The following ANK2 variants were observed in gnomAD, a reference collection of about 807,000 sequenced individuals.
ANK2 encodes the protein ankyrin-2.
Under a neutral mutation model 360.5 loss-of-function variants are expected in ANK2, and 83 were observed. The observed-to-expected ratio is 0.23, with a 90% confidence interval of 0.19 to 0.28. ANK2 has a LOEUF of 0.28. ANK2 is among the 10% of genes least tolerant of loss of function. The pLI is 1.00. For missense variants in ANK2, 4,201 were observed against 4,795.7 expected, an observed-to-expected ratio of 0.88 and a Z score of 3.66; for synonymous variants, 1,740 against 1,759.5, an observed-to-expected ratio of 0.99 and a Z score of 0.28.
intron 27 of ANK2, among the ~76,000 whole-genome samples, chr4:113,331,724 GC>G (rs2092486557): frequency 6.6e-6 from 1 of 151,936 alleles, no homozygotes; most frequent in African/African-American, 2.4e-5. Flanking sequence ...TTTGGCTAGT[GC>G]CCTGGCGGTG....
At chr4:112,748,718 C>A in the ANK2 span, among the ~76,000 whole-genome samples, 3 of 152,214 alleles carry the variant, frequency 2.0e-5, no homozygotes, top group South Asian at 4.1e-4. Context: ...ATTTTATGGT[C>A]CCCTGAGGCA....
intron 4 of ANK2, among the ~76,000 whole-genome samples, chr4:113,199,332 T>G (rs561564692): frequency 1.1e-4 from 17 of 152,288 alleles, no homozygotes; most frequent in African/African-American, 3.6e-4. Context: ...TGTAAGTCTA[T>G]CATTGTCTCT....
rs1060504155 is a variant in ANK2, at chr4:113,049,791, G to A, written c.63G>A (p.Gln21=). The A allele has an allele frequency of 1.9e-6, 3 of 1,613,860 alleles. No individual in the cohort carries two copies. The highest frequency in any genetic ancestry group is 2.5e-6 in the Non-Finnish European group (3 of 1,179,850). Residue 21 remains glutamine, a synonymous_variant, in exon 1 of 46, where the codon CAG becomes CAA. Coordinates refer to ENST00000357077, the MANE Select transcript of ANK2 (RefSeq NM_001148.6). ...DSGEKFNGSS[Q]RRKRPKKSDS... ...GAGAGAAGTTCAACGGCAGTAGTCA[G>A]AGGAGAAAAAGACCCAAGAAGGTAA...
At chr4:112,835,947 A>T (rs1179354285) in intron 1 of ANK2, among the ~76,000 whole-genome samples, 1 of 152,144 alleles carries the variant, frequency 6.6e-6, no homozygotes, top group East Asian at 1.9e-4. Flanking sequence ...GTAATAAATA[A>T]ATAGACCTTA....
chr4:112,829,585 C>A (rs1161564274), intron 1 of ANK2, among the ~76,000 whole-genome samples: 1 of 150,134 alleles, frequency 6.7e-6, no homozygotes. Context: ...GAAAAAAATT[C>A]TCAAAACTAA....
intron 2 of ANK2, among the ~76,000 whole-genome samples, chr4:112,993,694 C>G (rs1578551195): frequency 7.6e-6 from 1 of 131,064 alleles, no homozygotes; most frequent in South Asian, 2.7e-4. Flanking sequence ...ATAAAGCTTA[C>G]ATTCTATTGG....
At chr4:113,157,939 T>C (rs2097363666) in intron 1 of ANK2, among the ~76,000 whole-genome samples, 1 of 152,222 alleles carries the variant, frequency 6.6e-6, no homozygotes, top group Admixed American at 6.5e-5. Context: ...GCTTGGAATA[T>C]AGTAAAGTTA....
intron 1 of ANK2, among the ~76,000 whole-genome samples, chr4:112,852,463 A>C (rs1315896621): frequency 6.6e-6 from 1 of 152,208 alleles, no homozygotes. Flanking sequence ...TATACATTTT[A>C]TGTCTGTCCA....
At chr4:113,103,620 G>T (rs929139159) in intron 1 of ANK2, among the ~76,000 whole-genome samples, 4 of 152,090 alleles carry the variant, frequency 2.6e-5, no homozygotes, top group African/African-American at 9.7e-5. Flanking sequence ...CCAGTTAAAA[G>T]ACTGCTTTTG....
At chr4:113,022,312 T>C (rs1342171019) in intron 2 of ANK2, among the ~76,000 whole-genome samples, 2 of 152,234 alleles carry the variant, frequency 1.3e-5, no homozygotes, top group Admixed American at 1.3e-4. Flanking sequence ...TTAAAATCAA[T>C]TCTAGTTTCC....
intron 2 of ANK2, among the ~76,000 whole-genome samples, chr4:113,029,556 A>G (rs1205940206): frequency 6.6e-6 from 1 of 152,122 alleles, no homozygotes. Context: ...AAAGATAGCT[A>G]TAAATGAACG....
intron 2 of ANK2, among the ~76,000 whole-genome samples, chr4:113,193,948 A>C (rs902597071): frequency 6.6e-6 from 1 of 152,226 alleles, no homozygotes; most frequent in Non-Finnish European, 1.5e-5. Context: ...GAAACTCTTC[A>C]TTCAACATGT....
chr4:113,048,914 CCAGACACACACA>C (rs1207070841), upstream of ANK2, among the ~76,000 whole-genome samples: 77 of 109,008 alleles, frequency 7.1e-4, no homozygotes, highest in African/African-American at 2.7e-3. Flanking sequence ...CTCCCCCTAC[CCAGACACACACA>C]CACACACACA....
intron 2 of ANK2, among the ~76,000 whole-genome samples, chr4:112,935,021 C>T (rs986409780): frequency 2.0e-5 from 3 of 151,998 alleles, no homozygotes; most frequent in African/African-American, 7.3e-5. Context: ...ACAAAGTCCT[C>T]AGGTGAGAAC....
chr4:113,314,308 T>C lies in ANK2; in HGVS notation c.2693+2909T>C, dbSNP rs1043659444. On this transcript the variant is annotated intron_variant, in intron 24 of 45. Transcript: ENST00000357077. Reference sequence around the variant, plus strand: ...ATTGTGGATTTCTACTCGTTAAGTTTGCCACTCCATTAATTGAATGTTTAA... The same window carrying C: ...ATTGTGGATTTCTACTCGTTAAGTTCGCCACTCCATTAATTGAATGTTTAA... Among the ~76,000 whole-genome samples the C allele has an allele frequency of 4.6e-5, 7 of 152,350 alleles. No individual in the cohort carries two copies. The East Asian group carries it at 1.3e-3, about 29-fold the overall frequency.
intron 1 of ANK2, among the ~76,000 whole-genome samples, chr4:113,170,752 T>TTTCTAATATTCA (rs1194173938): frequency 6.6e-6 from 1 of 152,156 alleles, no homozygotes; most frequent in Non-Finnish European, 1.5e-5. Flanking sequence ...TTGTTCTGTG[T>TTTCTAATATTCA]TTCTAATATT....
rs138652652 is a variant in ANK2, at chr4:113,236,685, G to T, written c.484-302G>T. ...ACCTACAGAGGCATTATTTAGGATT[G>T]GTTCTCACTTTTATTTTTCGATTGC... is the stretch of plus-strand genomic sequence containing the variant. On this transcript the variant is annotated intron_variant, in intron 5 of 45. Coordinates refer to ENST00000357077, the MANE Select transcript of ANK2 (RefSeq NM_001148.6). 5.1e-3 allele frequency among the ~76,000 whole-genome samples: 778 copies of T among 152,216 alleles called. 13 individuals carry two copies. The highest frequency in any genetic ancestry group is 0.018 in the African/African-American group (748 of 41,538).
chr4:113,277,526 T>C (rs1297796593), intron 15 of ANK2, among the ~76,000 whole-genome samples: 2 of 152,284 alleles, frequency 1.3e-5, no homozygotes, highest in East Asian at 1.9e-4. Context: ...AGGCTTTTTT[T>C]CCCCATTCAC....
At chr4:113,337,126 C>G (rs1036097861) in intron 31 of ANK2, among the ~76,000 whole-genome samples, 1 of 152,076 alleles carries the variant, frequency 6.6e-6, no homozygotes, top group Non-Finnish European at 1.5e-5. Context: ...GATTCAAAAC[C>G]ACACCCATAT....
Sources: allele counts gnomAD v4.1 joint callset (sites outside exome capture counted in the v4.1 genomes callset), GRCh38; gene constraint gnomAD v4.1.1; transcripts MANE v1.5; gene names NCBI Gene and HGNC (gene_info 2026-07-23, HGNC 2026-07-21).